ANK1: variants seen among roughly 807,000 people sequenced by gnomAD.
The protein encoded by ANK1 is ankyrin-1.
Under a neutral mutation model 210.4 loss-of-function variants are expected in ANK1, and 51 were observed. That is an observed-to-expected ratio of 0.24 (90% CI 0.19 to 0.31). The LOEUF is 0.31. Among genes scored for constraint, ANK1 ranks in the 10% least tolerant of loss-of-function variants. ANK1 has a pLI of 1.00. For synonymous variants in ANK1, 967 were observed against 1,025.9 expected, an observed-to-expected ratio of 0.94 and a Z score of 1.10; for missense variants, 2,051 against 2,504.4, an observed-to-expected ratio of 0.82 and a Z score of 3.86.
intron 38 of ANK1, among the ~76,000 whole-genome samples, chr8:41,671,136 C>CCTGCTTTCTCCTGATCTGCTGGCAGCTT (rs1318839117): frequency 6.6e-6 from 1 of 152,218 alleles, no homozygotes; most frequent in African/African-American, 2.4e-5. Flanking sequence ...CTTCTCCTGA[C>CCTGCTTTCTCCTGATCTGCTGGCAGCTT]CTGCCGACGC....
intron 2 of ANK1, among the ~76,000 whole-genome samples, chr8:41,740,167 T>TC (rs1479084815): frequency 1.3e-5 from 2 of 151,230 alleles, no homozygotes; most frequent in Non-Finnish European, 2.9e-5. Flanking sequence ...TTTTGATTTT[T>TC]TTTTTTTTTT....
chr8:41,839,346 C>T (rs1808410098), intron 1 of ANK1, among the ~76,000 whole-genome samples: 1 of 152,346 alleles, frequency 6.6e-6, no homozygotes, highest in Middle Eastern at 3.4e-3. Context: ...GTCACTTAGC[C>T]AGGTTCCCTG....
At position 41,719,763 on chromosome 8, in the gene ANK1, G is replaced by A. The variant is rs372448762; in HGVS notation, c.1005C>T (p.Thr335=). ...LQYDAEIDDI[T]LDHLTPLHVA... ...CGTGGAGTGGGGTCAGGTGGTCCAG[G>A]GTGATGTCGTCTATCTCTGCGTCGT... is the stretch of plus-strand genomic sequence containing the variant. The change falls in exon 10 of 43, where the codon ACC becomes ACT. Residue 335 remains threonine (T), a synonymous_variant. Transcript: ENST00000289734. The A allele has an allele frequency of 5.0e-6, 8 of 1,614,084 alleles. No homozygotes were observed. The African/African-American group carries it at 9.3e-5, about 19-fold the overall frequency.
intron 33 of ANK1, among the ~76,000 whole-genome samples, chr8:41,689,614 C>T (rs191631702): frequency 2.0e-4 from 31 of 152,284 alleles, no homozygotes; most frequent in Admixed American, 1.9e-3. Flanking sequence ...GGTCTGGAGA[C>T]GTATGATCCC....
At chr8:41,665,355 C>T (rs1810137938) in intron 39 of ANK1, 10 of 1,129,598 alleles carry the variant, frequency 8.9e-6, no homozygotes, top group African/African-American at 3.2e-5. Flanking sequence ...AGAAGGAAGC[C>T]GGCAGGTGCC....
At chr8:41,849,523 CA>C (rs11393876) in intron 1 of ANK1, among the ~76,000 whole-genome samples, 28 of 149,190 alleles carry the variant, frequency 1.9e-4, no homozygotes, top group Middle Eastern at 3.4e-3. Context: ...GACAATGTCC[CA>C]AAAAAAAAAA....
intron 2 of ANK1, among the ~76,000 whole-genome samples, chr8:41,756,144 A>T (rs865902950): frequency 1.1e-4 from 16 of 151,746 alleles, no homozygotes; most frequent in Admixed American, 8.5e-4. Flanking sequence ...TTATTTATTT[A>T]TTTTATTTAT....
rs572104411 is a variant in ANK1 at position 41,858,396 on chromosome 8, G to A, written c.126+37959C>T. On this transcript the variant is annotated intron_variant, in intron 1 of 42. Transcript: ENST00000265709. ...AAAAGAAAATTCACCTAGGCCAAGAGGGTGATGCCCAAATCATCTACCCAA... is the reference window on the plus strand; with the variant it reads ...AAAAGAAAATTCACCTAGGCCAAGAAGGTGATGCCCAAATCATCTACCCAA... 2.0e-5 allele frequency among the ~76,000 whole-genome samples: 3 copies of A among 151,998 alleles called. No homozygotes were observed. In the South Asian group the frequency reaches 6.2e-4, roughly 32 times the overall value.
rs767102082 is a variant in ANK1 at position 41,688,149 on chromosome 8, C to T, written c.4258+7G>A. On this transcript the variant is annotated splice_region_variant and intron_variant, in intron 35 of 42. Transcript: ENST00000289734. ...AAGTGCTTTTCTGCCCCCAATTCCC[C>T]ACTCACCTGCCCAGCTGAGACCGAG... The T allele has an allele frequency of 4.3e-6, 7 of 1,613,966 alleles. No individual in the cohort carries two copies. The Admixed American group carries it at 1.0e-4, about 23-fold the overall frequency.
chr8:41,826,692 T>C (rs1259703950), intron 1 of ANK1, among the ~76,000 whole-genome samples: 1 of 152,236 alleles, frequency 6.6e-6, no homozygotes, highest in Non-Finnish European at 1.5e-5. Context: ...TAAACATGAT[T>C]TACATTTTGA....
chr8:41,886,364 AC>A (rs1201178891), intron 1 of ANK1, among the ~76,000 whole-genome samples: 1 of 152,034 alleles, frequency 6.6e-6, no homozygotes, highest in Non-Finnish European at 1.5e-5. Flanking sequence ...TATTCTCTCC[AC>A]CTTACAATTG....
chr8:41,795,508 TA>T (rs1453238645), intron 1 of ANK1, among the ~76,000 whole-genome samples: 2 of 151,836 alleles, frequency 1.3e-5, no homozygotes, highest in Admixed American at 6.6e-5. Context: ...GACTCTGTCT[TA>T]AAAATAATAA....
At chr8:41,724,352 C>T in intron 7 of ANK1, 104 bp downstream of exon 7, 1 of 1,025,268 alleles carries the variant, frequency 9.8e-7, no homozygotes, top group Non-Finnish European at 1.5e-6. Context: ...GCTGTTTAAC[C>T]CACAGGCACT....
At chr8:41,890,327 CT>C (rs923706373) in intron 1 of ANK1, among the ~76,000 whole-genome samples, 97 of 152,310 alleles carry the variant, frequency 6.4e-4, no homozygotes, top group African/African-American at 2.3e-3. Context: ...TGCCAGTGTT[CT>C]GTAGGAGGTG....
chr8:41,836,333 T>A lies in ANK1; in HGVS notation c.126+60022A>T, dbSNP rs2150801364. 4.6e-5 allele frequency among the ~76,000 whole-genome samples: 7 copies of A among 152,388 alleles called. No homozygotes were observed. In the Middle Eastern group the frequency reaches 0.01, roughly 222 times the overall value. The stretch of plus-strand genomic sequence containing the variant: ...AGGGGAGAGGAAGTCATTCGTCACA[T>A]ACATTCATTGAGCAAGGTTTCCATT... On this transcript the variant is annotated intron_variant, in intron 1 of 42. Transcript: ENST00000265709.
intron 1 of ANK1, among the ~76,000 whole-genome samples, chr8:41,883,966 A>G (rs1431254693): frequency 2.0e-5 from 3 of 152,108 alleles, no homozygotes; most frequent in African/African-American, 4.8e-5. Flanking sequence ...GGCTCCAACA[A>G]CTCAGATTGT....
intron 39 of ANK1, chr8:41,664,872 C>T: frequency 1.2e-6 from 2 of 1,613,942 alleles, no homozygotes; most frequent in East Asian, 2.2e-5. Flanking sequence ...GAGGCCCTCG[C>T]TCTCCCCCAG....
At chr8:41,868,456 G>T (rs1299344542) in intron 1 of ANK1, among the ~76,000 whole-genome samples, 4 of 152,320 alleles carry the variant, frequency 2.6e-5, no homozygotes, top group African/African-American at 9.6e-5. Flanking sequence ...AATTATTCAG[G>T]CGTGGTTTGT....
At chr8:41,877,628 C>T (rs1587576999) in intron 1 of ANK1, among the ~76,000 whole-genome samples, 1 of 152,176 alleles carries the variant, frequency 6.6e-6, no homozygotes, top group Admixed American at 6.5e-5. Context: ...AAGAGAGAGA[C>T]AGACAATAAA....
Sources: gnomAD v4.1 joint callset for allele counts (sites outside exome capture counted in the v4.1 genomes callset) on GRCh38, gnomAD v4.1.1 for gene constraint, MANE v1.5 for transcripts, NCBI Gene and HGNC (gene_info 2026-07-23, HGNC 2026-07-21) for gene names.